The following SV2B variants were observed in gnomAD, a reference collection of about 807,000 sequenced individuals.
SV2B encodes solute carrier family 22 member B2.
Under a neutral mutation model 73.9 loss-of-function variants are expected in SV2B, and 41 were observed. The ratio of observed to expected loss-of-function variants is 0.56; its 90% confidence interval spans 0.43 to 0.72. The LOEUF is 0.72. SV2B is among the 30% of genes least tolerant of loss of function. SV2B has a pLI of 0.00. For synonymous variants in SV2B, 314 were observed against 314.2 expected, an observed-to-expected ratio of 1.00 and a Z score of 0.01; for missense variants, 764 against 857.8, an observed-to-expected ratio of 0.89 and a Z score of 1.37.
At chr15:91,174,126 A>G (rs1170329835) in intron 1 of SV2B, among the ~76,000 whole-genome samples, 1 of 152,238 alleles carries the variant, frequency 6.6e-6, no homozygotes, top group Non-Finnish European at 1.5e-5. Context: ...AGCCAGCGGA[A>G]CATTGCAGAG....
Position 91,106,440 on chromosome 15 carries a change from CACTT to C in SV2B, c.-392+6085_-392+6088del, listed in dbSNP as rs540013717. On this transcript the variant is annotated intron_variant, in intron 1 of 12. Transcript: ENST00000394232. This position sits in a 1 kb window ranked among gnomAD's most constrained non-coding sequence, Gnocchi z 4.4. ...TATGTACTGAATGAGTGAATGGAAC[CACTT>C]ACTTACTAGAGTTGACTGCAAATCT... is the stretch of plus-strand genomic sequence containing the variant. Among the ~76,000 whole-genome samples the C allele has an allele frequency of 2.1e-3, 319 of 152,276 alleles. 4 individuals are homozygous for C. Among genetic ancestry groups the C allele is most frequent in the African/African-American group, 7.5e-3 (310 of 41,540 alleles).
intron 1 of SV2B, among the ~76,000 whole-genome samples, chr15:91,108,071 C>T (rs1338636013): frequency 2.6e-5 from 4 of 152,150 alleles, no homozygotes; most frequent in Admixed American, 2.0e-4. Flanking sequence ...CTCCTTCATG[C>T]TCCTGGACTT....
rs150039019 is a variant in SV2B, at chr15:91,123,096, C to A, written c.-392+22733C>A. Among the ~76,000 whole-genome samples, 1,392 of 151,786 alleles carry A rather than the reference C, an allele frequency of 9.2e-3. 20 individuals carry two copies. Among genetic ancestry groups the A allele is most frequent in the African/African-American group, 0.032 (1,331 of 41,346 alleles). ...GACCAGCCTGGCCAACATGGCAAAA[C>A]CCTGTTTCTACAAAACAAAGTACAA... is the stretch of plus-strand genomic sequence containing the variant. On this transcript the variant is annotated intron_variant, in intron 1 of 12. Coordinates refer to ENST00000394232, the MANE Select transcript of SV2B (RefSeq NM_001323032.3). This position sits in a 1 kb window ranked among gnomAD's most constrained non-coding sequence, Gnocchi z 4.7.
Position 91,240,887 on chromosome 15 carries a change from G to T in SV2B, c.452-10932G>T, listed in dbSNP as rs927961860. ...TGGCCCCGTCACAGCCTCCACTCTTGTACCATTGCTCTTTCTTGCTCCCCC... is the reference window on the plus strand; with the variant it reads ...TGGCCCCGTCACAGCCTCCACTCTTTTACCATTGCTCTTTCTTGCTCCCCC... On this transcript the variant is annotated intron_variant, in intron 2 of 12. Coordinates refer to ENST00000394232, the MANE Select transcript of SV2B (RefSeq NM_001323032.3). This position sits in a 1 kb window ranked among gnomAD's most constrained non-coding sequence, Gnocchi z 4.6. Among the ~76,000 whole-genome samples the T allele has an allele frequency of 1.3e-5, 2 of 152,102 alleles. No individual in the cohort carries two copies. Among genetic ancestry groups the T allele is most frequent in the Non-Finnish European group, 2.9e-5 (2 of 68,010 alleles).
rs991820793 is a variant in SV2B at position 91,105,983 on chromosome 15, G to A, written c.-392+5620G>A. Among the ~76,000 whole-genome samples the A allele has an allele frequency of 6.6e-6, 1 of 152,120 alleles. No homozygotes were observed. Among genetic ancestry groups the A allele is most frequent in the Non-Finnish European group, 1.5e-5 (1 of 68,034 alleles). On this transcript the variant is annotated intron_variant, in intron 1 of 12. Transcript: ENST00000394232. The surrounding 1 kb of genome is among the most constrained non-coding windows in gnomAD (Gnocchi z 5.5). Reference sequence around the variant, plus strand: ...AGGATCACCTGAGCCTGGGGAGGTCGAGGCTGCAGTGAGTCACGATAATGC... The same window carrying A: ...AGGATCACCTGAGCCTGGGGAGGTCAAGGCTGCAGTGAGTCACGATAATGC...
chr15:91,194,004 G>T (rs7180671), intron 1 of SV2B, among the ~76,000 whole-genome samples: 32,732 of 151,080 alleles, frequency 0.22, 7,171 homozygotes, highest in African/African-American at 0.57. Flanking sequence ...GGTTTTTTTT[G>T]TTTGTTTGTT....
At chr15:91,262,066 G>A (rs1024978303) in intron 6 of SV2B, among the ~76,000 whole-genome samples, 5 of 152,090 alleles carry the variant, frequency 3.3e-5, no homozygotes, top group Non-Finnish European at 7.4e-5. Flanking sequence ...TGCTTCAAAC[G>A]TCTGCTTTTC....
chr15:91,250,581 C>T (rs371894834), intron 2 of SV2B, among the ~76,000 whole-genome samples: 2 of 151,938 alleles, frequency 1.3e-5, no homozygotes, highest in African/African-American at 2.4e-5. Flanking sequence ...AAGACTCCAC[C>T]AAAAAATTGT....
chr15:91,176,135 C>T (rs372030444), intron 1 of SV2B, among the ~76,000 whole-genome samples: 13 of 150,270 alleles, frequency 8.7e-5, no homozygotes, highest in Non-Finnish European at 1.5e-4. Context: ...TGAGAACATG[C>T]GGTGTTTGGT....
At chr15:91,169,754 C>T (rs1249455821) in intron 1 of SV2B, among the ~76,000 whole-genome samples, 2 of 151,972 alleles carry the variant, frequency 1.3e-5, no homozygotes, top group Admixed American at 6.6e-5. Flanking sequence ...TGGGTAGCGG[C>T]GGAAGGGTGT....
intron 1 of SV2B, among the ~76,000 whole-genome samples, chr15:91,225,458 CA>C (rs1191847838): frequency 6.6e-6 from 1 of 152,200 alleles, no homozygotes; most frequent in African/African-American, 2.4e-5. Context: ...ATCCATAATA[CA>C]AAATTGTCTT....
At chr15:91,203,403 C>T (rs368961107) in intron 1 of SV2B, among the ~76,000 whole-genome samples, 5 of 152,358 alleles carry the variant, frequency 3.3e-5, no homozygotes, top group African/African-American at 1.2e-4. Flanking sequence ...CCCTCTCCAC[C>T]TGGAATCCTA....
In SV2B at chr15:91,252,008, T is replaced by C. The variant is rs764114595; in HGVS notation, c.632+9T>C. On this transcript the variant is annotated intron_variant, in intron 3 of 12. Coordinates refer to ENST00000394232, the MANE Select transcript of SV2B (RefSeq NM_001323032.3). This position sits in a 1 kb window ranked among gnomAD's most constrained non-coding sequence, Gnocchi z 4.6. ...CTCATCTCAGGCATCGGGTATGTTC[T>C]TAGGGAGGTGGAGCTGGACCATCCC... The C allele has an allele frequency of 6.2e-7, 1 of 1,613,582 alleles. No homozygotes were observed. The highest frequency in any genetic ancestry group is 8.5e-7 in the Non-Finnish European group (1 of 1,179,700).
At chr15:91,174,041 A>T (rs963410036) in intron 1 of SV2B, among the ~76,000 whole-genome samples, 1 of 152,204 alleles carries the variant, frequency 6.6e-6, no homozygotes, top group Non-Finnish European at 1.5e-5. Context: ...CATTTTCTGC[A>T]TTTATTTTGC....
rs1039802726 is a variant in SV2B, at chr15:91,232,573, G to T, written c.451+5859G>T. On this transcript the variant is annotated intron_variant, in intron 2 of 12. Coordinates refer to ENST00000394232, the MANE Select transcript of SV2B (RefSeq NM_001323032.3). This position sits in a 1 kb window ranked among gnomAD's most constrained non-coding sequence, Gnocchi z 4.7. ...TTTTGGTACTGAGAGTGCTTCTAGA[G>T]GAGCGGAATTTTGAGGATGAGTTGT... 6.6e-6 allele frequency among the ~76,000 whole-genome samples: 1 copy of T among 152,144 alleles called. No individual in the cohort carries two copies. Among genetic ancestry groups the T allele is most frequent in the African/African-American group, 2.4e-5 (1 of 41,422 alleles).
At chr15:91,153,904 G>T (rs2043398437) in intron 1 of SV2B, among the ~76,000 whole-genome samples, 3 of 152,092 alleles carry the variant, frequency 2.0e-5, no homozygotes, top group Admixed American at 6.5e-5. Flanking sequence ...GCTGAGGTGT[G>T]TCTGAGGTTT....
At position 91,258,314 on chromosome 15, in the gene SV2B, G is replaced by C. The variant is rs2047774540; in HGVS notation, c.785-107G>C. On this transcript the variant is annotated intron_variant, in intron 4 of 12. Transcript: ENST00000394232. The surrounding 1 kb of genome is among the most constrained non-coding windows in gnomAD (Gnocchi z 4.7). Reference sequence around the variant, plus strand: ...GTCTGCATTTTAACCACCTCCCCGGGTGACTCTCTTGTGCCCTGAAGTTTG... The same window carrying C: ...GTCTGCATTTTAACCACCTCCCCGGCTGACTCTCTTGTGCCCTGAAGTTTG... The C allele has an allele frequency of 6.7e-7, 1 of 1,492,806 alleles. No individual in the cohort carries two copies. The highest frequency in any genetic ancestry group is 1.4e-5 in the South Asian group (1 of 71,330). 92.5% of individuals were successfully genotyped at this position (1,492,806 alleles called of 1,614,324 possible). A position where few individuals can be genotyped will look rare whatever the true frequency, so the allele number is the denominator to read the frequency against.
intron 1 of SV2B, among the ~76,000 whole-genome samples, chr15:91,181,508 A>C (rs972692111): frequency 6.6e-6 from 1 of 151,630 alleles, no homozygotes; most frequent in Non-Finnish European, 1.5e-5. Flanking sequence ...TAATTTGCAA[A>C]CACCCCCAAT....
chr15:91,282,630 T>C (rs1473283449), intron 10 of SV2B, among the ~76,000 whole-genome samples: 1 of 152,228 alleles, frequency 6.6e-6, no homozygotes, highest in Non-Finnish European at 1.5e-5. Flanking sequence ...GGTTAGCAAG[T>C]GGAAGGAGTT....
Sources: allele counts gnomAD v4.1 joint callset (sites outside exome capture counted in the v4.1 genomes callset), GRCh38; gene constraint gnomAD v4.1.1; non-coding constraint Gnocchi (gnomAD v3.1); transcripts MANE v1.5; gene names NCBI Gene and HGNC (gene_info 2026-07-23, HGNC 2026-07-21).